Variants in TACC2 observed in about 807,000 individuals in gnomAD.
TACC2 encodes the protein transforming acidic coiled-coil containing protein 2, also known as transforming acidic coiled-coil-containing protein 2.
In TACC2, 137 loss-of-function variants were observed where a neutral mutation model predicts 227.3. The observed-to-expected ratio is 0.60, with a 90% CI of 0.52 to 0.69. The LOEUF is 0.69. TACC2 is among the 30% of genes least tolerant of loss of function. TACC2 has a pLI of 0.00. For synonymous variants in TACC2, 1,523 were observed against 1,487.5 expected (o/e 1.02, Z -0.55); for missense variants, 3,470 against 3,694.4 (o/e 0.94, Z 1.57).
At chr10:122,154,864 C>G (rs1420236339) in intron 7 of TACC2, among the ~76,000 whole-genome samples, 2 of 152,240 alleles carry the variant, frequency 1.3e-5, no homozygotes, top group African/African-American at 4.8e-5. Flanking sequence ...TCAATAGATG[C>G]TCACGGATGC....
In TACC2 at chr10:122,084,271, C is replaced by T. The variant is rs766415523; in HGVS notation, c.1771C>T (p.Pro591Ser). 7.4e-6 allele frequency: 12 copies of T among 1,613,850 alleles called. No individual in the cohort carries two copies. Among genetic ancestry groups the T allele is most frequent in the Middle Eastern group, 1.6e-4 (1 of 6,084 alleles). ...CCCAGAGCCACCTGATGGTGGAGAC[C>T]CAGGGAACCTGCAAGGAGAGGACTC... ...EAPEPPDGGD[P>S]GNLQGEDSQA... is the part of the protein sequence containing the mutation. The change falls in exon 4 of 23, where the codon CCA (proline) becomes TCA (serine). Residue 591 changes from proline (P) to serine (S), a missense_variant. Around this residue, in one of 10 missense-constraint regions of TACC2, gnomAD observed 1,924 missense variants for 1,978.3 expected, o/e 0.97. Coordinates refer to ENST00000369005, the MANE Select transcript of TACC2 (RefSeq NM_206862.4).
rs2079773802 is a variant in TACC2 at position 122,083,521 on chromosome 10, C to T, written c.1021C>T (p.Leu341=). ...CTGCCAGCAGCCAGTGGGAGCATATCTGCCGCACGCAGAGCTGCCCTGGGG... is the reference window on the plus strand; with the variant it reads ...CTGCCAGCAGCCAGTGGGAGCATATTTGCCGCACGCAGAGCTGCCCTGGGG... ...ESCQQPVGAY[L]PHAELPWGLP... is the part of the protein sequence containing the mutation. The change falls in exon 4 of 23, where the codon CTG becomes TTG. Residue 341 remains leucine (L), a synonymous_variant. Coordinates refer to ENST00000369005, the MANE Select transcript of TACC2 (RefSeq NM_206862.4). 6.2e-7 allele frequency: 1 copy of T among 1,613,244 alleles called. No homozygotes were observed. Among genetic ancestry groups the T allele is most frequent in the Non-Finnish European group, 8.5e-7 (1 of 1,179,988 alleles).
At position 122,254,049 on chromosome 10, in the gene TACC2, A is replaced by G; in HGVS notation, c.8840A>G (p.Lys2947Arg). Residue 2947 changes from lysine (K) to arginine (R), a missense_variant, in exon 23 of 23, where the codon AAA (lysine) becomes AGA (arginine). Coordinates refer to ENST00000369005, the MANE Select transcript of TACC2 (RefSeq NM_206862.4). ...ICDELIAKMG[K>R]S ...GACGAACTGATTGCCAAAATGGGGA[A>G]AAGCTAACTCTGAACCGAATGTTTT... is the stretch of plus-strand genomic sequence containing the variant. 1 of 1,614,166 alleles carries G rather than the reference A, an allele frequency of 6.2e-7. No individual in the cohort carries two copies. Among genetic ancestry groups the G allele is most frequent in the Non-Finnish European group, 8.5e-7 (1 of 1,179,970 alleles).
At chr10:122,165,462 C>T (rs577709355) in intron 7 of TACC2, among the ~76,000 whole-genome samples, 66 of 152,274 alleles carry the variant, frequency 4.3e-4, no homozygotes, top group African/African-American at 1.4e-3. Flanking sequence ...CTAACGTCCC[C>T]GCCCTCTTTT....
intron 5 of TACC2, among the ~76,000 whole-genome samples, chr10:122,096,866 C>CTTAA (rs1466377672): frequency 6.6e-6 from 1 of 152,200 alleles, no homozygotes; most frequent in Non-Finnish European, 1.5e-5. Context: ...TCTCTGCTTT[C>CTTAA]TTAATGCCTG....
In TACC2 at chr10:122,022,400, C is replaced by A. The variant is rs545622555; in HGVS notation, c.33+386C>A. On this transcript the variant is annotated intron_variant, in intron 2 of 22. Transcript: ENST00000369005. ...CTGGGACTACAGGCATGCACCACCACGCCTGGCTAATTTTTTAATGTTTAG... is the reference window on the plus strand; with the variant it reads ...CTGGGACTACAGGCATGCACCACCAAGCCTGGCTAATTTTTTAATGTTTAG... 3.2e-4 allele frequency: 53 copies of A among 164,474 alleles called. 1 individual carries two copies. The highest frequency in any genetic ancestry group is 2.9e-3 in the Admixed American group (47 of 16,062). The allele number at this position is 164,474 out of a possible 1,614,324, so 10.2% of individuals were successfully genotyped here.
At chr10:122,134,781 C>T (rs931944448) in intron 6 of TACC2, among the ~76,000 whole-genome samples, 4 of 152,168 alleles carry the variant, frequency 2.6e-5, no homozygotes, top group East Asian at 1.9e-4. Flanking sequence ...TCGGGGGATG[C>T]GGGGGCACGA....
chr10:122,022,132 T>C (rs1325244583), intron 2 of TACC2, 118 bp downstream of exon 2: 3 of 973,974 alleles, frequency 3.1e-6, no homozygotes, highest in South Asian at 1.4e-5. Flanking sequence ...AGCTTCTGCG[T>C]AGATGTGTGC....
intron 7 of TACC2, among the ~76,000 whole-genome samples, chr10:122,168,045 C>G (rs1397361243): frequency 6.7e-6 from 1 of 148,680 alleles, no homozygotes; most frequent in Non-Finnish European, 1.5e-5. Context: ...CATCACCATG[C>G]CCAGCTTTTT....
chr10:122,226,970 T>C (rs568643868), intron 13 of TACC2, among the ~76,000 whole-genome samples: 4 of 152,314 alleles, frequency 2.6e-5, no homozygotes, highest in Admixed American at 2.6e-4. Flanking sequence ...TTGTGTGACC[T>C]GAAGTGAGGT....
chr10:122,105,942 C>CTG (rs756793588), intron 5 of TACC2, among the ~76,000 whole-genome samples: 5,409 of 109,770 alleles, frequency 0.049, 169 homozygotes, highest in East Asian at 0.18. Context: ...CATTTTCTCT[C>CTG]TCTGTGTGTG....
rs558111165 is a variant in TACC2 at position 122,085,223 on chromosome 10, G to A, written c.2723G>A (p.Gly908Asp). Reference protein sequence around the residue: ...GSELQSQLPKGTLSDTPTSSP... With the variant: ...GSELQSQLPKDTLSDTPTSSP... Reference sequence around the variant, plus strand: ...GAACTTCAAAGTCAGCTCCCCAAAGGCACCCTGTCTGATACTCCAACTTCA... The same window carrying A: ...GAACTTCAAAGTCAGCTCCCCAAAGACACCCTGTCTGATACTCCAACTTCA... The change falls in exon 4 of 23, where the codon GGC becomes GAC. Residue 908 changes from glycine (G) to aspartate (D), a missense_variant. By Grantham distance (94) the Gly-to-Asp change is moderately conservative. Transcript: ENST00000369005. 6.2e-7 allele frequency: 1 copy of A among 1,614,026 alleles called. No individual in the cohort carries two copies. Among genetic ancestry groups the A allele is most frequent in the South Asian group, 1.1e-5 (1 of 91,072 alleles).
At chr10:122,081,391 G>A (rs1367819681) in intron 3 of TACC2, among the ~76,000 whole-genome samples, 1 of 151,554 alleles carries the variant, frequency 6.6e-6, no homozygotes, top group African/African-American at 2.4e-5. Flanking sequence ...AGCTGGGCGT[G>A]GTGGCGGGCT....
intron 7 of TACC2, among the ~76,000 whole-genome samples, chr10:122,174,598 G>GT (rs1344812835): frequency 2.4e-4 from 37 of 151,760 alleles, no homozygotes; most frequent in Admixed American, 5.9e-4. Flanking sequence ...CTATGCTCCT[G>GT]TTTTTTTTTA....
At position 122,195,122 on chromosome 10, in the gene TACC2, C is replaced by A. The variant is rs776893320; in HGVS notation, c.5917C>A (p.Pro1973Thr). 4 of 1,613,416 alleles carry A rather than the reference C, an allele frequency of 2.5e-6. No homozygotes were observed. The highest frequency in any genetic ancestry group is 1.7e-5 in the Admixed American group (1 of 59,934). The stretch of plus-strand genomic sequence containing the variant: ...TCCGCCAGCTCCACCCCCACCACCC[C>A]CCGAAGTCATCCCAGAACCCGAGGT... ...KAPPAPPPPP[P>T]EVIPEPEVST... Residue 1973 changes from proline (P) to threonine (T), a missense_variant, in exon 8 of 23, where the codon CCC becomes ACC. Pro to Thr is a conservative substitution (Grantham distance 38). Around this residue, in one of 10 missense-constraint regions of TACC2, gnomAD observed 593 missense variants for 636.6 expected, o/e 0.93. Transcript: ENST00000369005.
intron 7 of TACC2, among the ~76,000 whole-genome samples, chr10:122,191,814 C>T (rs932300143): frequency 3.2e-4 from 49 of 152,212 alleles, no homozygotes; most frequent in African/African-American, 1.1e-3. Context: ...AATTAATTTT[C>T]TTTTCTTTCA....
intron 3 of TACC2, among the ~76,000 whole-genome samples, chr10:122,071,111 A>AAATATTCTATC (rs1254383612): frequency 4.3e-4 from 65 of 152,344 alleles, no homozygotes; most frequent in African/African-American, 1.5e-3. Flanking sequence ...ATACTCAGGT[A>AAATATTCTATC]AATATTCTAC....
chr10:122,163,848 C>A, intron 7 of TACC2: 1 of 1,496,556 alleles, frequency 6.7e-7, no homozygotes, highest in South Asian at 1.3e-5. Context: ...CCGGCTCGCC[C>A]CGGCTCCCGG....
intron 3 of TACC2, among the ~76,000 whole-genome samples, chr10:122,060,815 G>C (rs1364119400): frequency 2.0e-5 from 3 of 151,862 alleles, no homozygotes; most frequent in African/African-American, 7.3e-5. Flanking sequence ...GACCAGCCTG[G>C]CCAACATGGC....
Sources: allele counts gnomAD v4.1 joint callset (sites outside exome capture counted in the v4.1 genomes callset), GRCh38; gene constraint gnomAD v4.1.1; regional missense constraint gnomAD v4.1.1; transcripts MANE v1.5; gene names NCBI Gene and HGNC (gene_info 2026-07-23, HGNC 2026-07-21).